NTF3: variants seen among roughly 807,000 people sequenced by gnomAD.
NTF3 encodes neurotrophin 3, also known as neurotrophin-3.
NTF3 carries 8 observed loss-of-function variants against 26.3 expected under a neutral mutation model. The observed-to-expected ratio is 0.30, with a 90% CI of 0.18 to 0.55. The LOEUF is 0.55. Among genes scored for constraint, NTF3 ranks in the 20% least tolerant of loss-of-function variants. NTF3 has a pLI of 0.93. For synonymous variants in NTF3, 154 were observed against 145.5 expected (o/e 1.06, Z -0.42); for missense variants, 276 against 352.9 (o/e 0.78, Z 1.75).
chr12:5,486,146 C>A (rs769470061), intron 1 of NTF3, among the ~76,000 whole-genome samples: 25 of 152,208 alleles, frequency 1.6e-4, no homozygotes, highest in Non-Finnish European at 3.2e-4. Context: ...CACAAGCCTG[C>A]TGGCCAAGTC....
intron 1 of NTF3, among the ~76,000 whole-genome samples, chr12:5,454,402 G>A (rs1185572730): frequency 6.6e-6 from 1 of 152,122 alleles, no homozygotes; most frequent in Non-Finnish European, 1.5e-5. Context: ...CCTCTGTAAA[G>A]TCCTTATTTC....
Position 5,494,434 on chromosome 12 carries a change from CG to C in NTF3, c.263del (p.Gly88GlufsTer11). The C allele has an allele frequency of 6.2e-7, 1 of 1,605,094 alleles. No individual in the cohort carries two copies. The highest frequency in any genetic ancestry group is 8.5e-7 in the Non-Finnish European group (1 of 1,178,268). The stretch of plus-strand genomic sequence containing the variant: ...AGCTGAGGCTCCCCGAGAGCCGGAG[CG>C]GGGAGGGCCCGCCAAGTCAGCATTC... The part of the protein sequence containing the change: ...PKAEAPREPE[R>X]GGPAKSAFQP... On this transcript the variant is annotated frameshift_variant, in exon 2 of 2. Transcript: ENST00000423158. LOFTEE classifies it high-confidence loss of function. This position sits in a 1 kb window ranked among gnomAD's most constrained non-coding sequence, Gnocchi z 8.3.
chr12:5,483,147 C>G lies in NTF3; in HGVS notation c.19-11047C>G, dbSNP rs542659906. On this transcript the variant is annotated intron_variant, in intron 1 of 1. Coordinates refer to ENST00000423158, the MANE Select transcript of NTF3 (RefSeq NM_001102654.2). ...TCTTCCTTTCTCTGTCTCAGCCTCT[C>G]TCTGTCTCTGTATCTCTATCTCTTT... Among the ~76,000 whole-genome samples, 59 of 152,126 alleles carry G rather than the reference C, an allele frequency of 3.9e-4. 1 individual carries two copies. The highest frequency in any genetic ancestry group is 1.7e-3 in the South Asian group (8 of 4,802).
At chr12:5,477,339 C>T (rs952375165) in intron 1 of NTF3, among the ~76,000 whole-genome samples, 29 of 152,122 alleles carry the variant, frequency 1.9e-4, no homozygotes, top group African/African-American at 5.8e-4. Context: ...TTTATAATTC[C>T]GAAACCCAAA....
At chr12:5,450,866 A>G (rs1940364091) in intron 1 of NTF3, among the ~76,000 whole-genome samples, 2 of 152,122 alleles carry the variant, frequency 1.3e-5, no homozygotes, top group Non-Finnish European at 1.5e-5. Context: ...GCCTTGCTTC[A>G]TTGCTGTATC....
chr12:5,444,498 G>A (rs1348106225), intron 1 of NTF3, among the ~76,000 whole-genome samples: 4 of 152,194 alleles, frequency 2.6e-5, no homozygotes, highest in African/African-American at 9.6e-5. Context: ...GGAGGAGATG[G>A]GGTAGAGGAG....
intron 1 of NTF3, among the ~76,000 whole-genome samples, chr12:5,445,321 T>C (rs1940291857): frequency 6.6e-6 from 1 of 151,846 alleles, no homozygotes. Flanking sequence ...TGTGTGTGTG[T>C]GTGTGTGTGT....
chr12:5,450,661 C>A (rs1940361364), intron 1 of NTF3, among the ~76,000 whole-genome samples: 1 of 152,186 alleles, frequency 6.6e-6, no homozygotes, highest in Non-Finnish European at 1.5e-5. Context: ...TGTACGTGAT[C>A]TCAGGAATCC....
intron 1 of NTF3, among the ~76,000 whole-genome samples, chr12:5,443,428 G>A (rs1008876324): frequency 1.3e-5 from 2 of 152,176 alleles, no homozygotes; most frequent in African/African-American, 4.8e-5. Flanking sequence ...GCAGGAGAGA[G>A]AGAATTTCCC....
At chr12:5,441,128 C>T (rs959948482) in intron 1 of NTF3, among the ~76,000 whole-genome samples, 3 of 152,154 alleles carry the variant, frequency 2.0e-5, no homozygotes, top group South Asian at 2.1e-4. Context: ...GATCAGACCC[C>T]GCCTCTAACT....
chr12:5,481,492 AG>A (rs1940794915), intron 1 of NTF3, among the ~76,000 whole-genome samples: 1 of 124,046 alleles, frequency 8.1e-6, no homozygotes, highest in Non-Finnish European at 1.8e-5. Flanking sequence ...TGCACACCAC[AG>A]ATACACAGAA....
At chr12:5,444,613 C>A (rs1173128891) in intron 1 of NTF3, among the ~76,000 whole-genome samples, 1 of 152,082 alleles carries the variant, frequency 6.6e-6, no homozygotes, top group Non-Finnish European at 1.5e-5. Context: ...GAGAACATCC[C>A]ATATATCCCA....
In NTF3 at chr12:5,485,233, G is replaced by A. The variant is rs536826050; in HGVS notation, c.19-8961G>A. Among the ~76,000 whole-genome samples the A allele has an allele frequency of 3.3e-5, 5 of 152,286 alleles. No homozygotes were observed. The South Asian group carries it at 1.0e-3, about 32-fold the overall frequency. ...GGAAATTTCCCCTTTATGTTTCAGA[G>A]GATCTGTCTTGAATGTCTCTTACTC... On this transcript the variant is annotated intron_variant, in intron 1 of 1. Coordinates refer to ENST00000423158, the MANE Select transcript of NTF3 (RefSeq NM_001102654.2).
At chr12:5,465,651 G>A (rs1278055277) in intron 1 of NTF3, among the ~76,000 whole-genome samples, 1 of 152,322 alleles carries the variant, frequency 6.6e-6, no homozygotes, top group East Asian at 1.9e-4. Flanking sequence ...GAAATCATGT[G>A]GCTCGCACTC....
chr12:5,458,428 A>G (rs1940480357), intron 1 of NTF3, among the ~76,000 whole-genome samples: 1 of 152,190 alleles, frequency 6.6e-6, no homozygotes, highest in Non-Finnish European at 1.5e-5. Flanking sequence ...CACCTTTCTC[A>G]GGAGACTCTG....
intron 1 of NTF3, among the ~76,000 whole-genome samples, chr12:5,437,483 G>A (rs1009184485): frequency 3.3e-5 from 5 of 152,212 alleles, no homozygotes; most frequent in Non-Finnish European, 7.3e-5. Context: ...GACGGAGCAG[G>A]CGGCTTCTGC....
At chr12:5,430,444 ACCCTAC>A (rs1940070520), upstream of NTF3, among the ~76,000 whole-genome samples, 1 of 149,046 alleles carries the variant, frequency 6.7e-6, no homozygotes, top group Non-Finnish European at 1.5e-5. Context: ...CTGAAGGACT[ACCCTAC>A]CCTTGCGAGG....
At chr12:5,437,226 G>T (rs974849985) in intron 1 of NTF3, among the ~76,000 whole-genome samples, 9 of 152,206 alleles carry the variant, frequency 5.9e-5, no homozygotes, top group African/African-American at 2.2e-4. Context: ...CCATCCTTGA[G>T]TTCAGTGGCC....
At chr12:5,435,924 G>A (rs1940162347) in intron 1 of NTF3, among the ~76,000 whole-genome samples, 1 of 152,210 alleles carries the variant, frequency 6.6e-6, no homozygotes, top group African/African-American at 2.4e-5. Context: ...TCTGGCTCTT[G>A]TGAAGGGGGT....
Sources: allele counts gnomAD v4.1 joint callset (sites outside exome capture counted in the v4.1 genomes callset), GRCh38; gene constraint gnomAD v4.1.1; non-coding constraint Gnocchi (gnomAD v3.1); transcripts MANE v1.5; gene names NCBI Gene and HGNC (gene_info 2026-07-23, HGNC 2026-07-21).